Variants in MGAT5 observed in about 807,000 individuals in gnomAD.
MGAT5 encodes alpha-1,6-mannosylglycoprotein 6-beta-N-acetylglucosaminyltransferase.
Under a neutral mutation model 94.3 loss-of-function variants are expected in MGAT5, and 30 were observed. The ratio of observed to expected loss-of-function variants is 0.32; its 90% CI spans 0.24 to 0.43. The LOEUF (loss-of-function observed/expected upper bound fraction) is 0.43. Ranked by LOEUF, MGAT5 falls within the 20% of genes least tolerant of loss-of-function variation. MGAT5 has a pLI of 1.00. For missense variants in MGAT5, 691 were observed against 905.5 expected (o/e 0.76, Z 3.04); for synonymous variants, 310 against 322.9 (o/e 0.96, Z 0.43).
chr2:134,279,444 G>A (rs886363942), intron 2 of MGAT5, among the ~76,000 whole-genome samples: 4 of 152,160 alleles, frequency 2.6e-5, no homozygotes, highest in African/African-American at 9.6e-5. Context: ...AGGTTGCTTT[G>A]AATGAATAGT....
chr2:134,124,742 C>G (rs1685764467), intron 1 of MGAT5, among the ~76,000 whole-genome samples: 1 of 152,204 alleles, frequency 6.6e-6, no homozygotes, highest in Non-Finnish European at 1.5e-5. Context: ...TAAGAGTTAA[C>G]TACTGGTGCT....
intron 2 of MGAT5, among the ~76,000 whole-genome samples, chr2:134,296,052 T>C (rs1210063218): frequency 6.6e-6 from 1 of 152,128 alleles, no homozygotes; most frequent in Non-Finnish European, 1.5e-5. Context: ...CTTATTTGAA[T>C]TTTGACTCTT....
intron 1 of MGAT5, among the ~76,000 whole-genome samples, chr2:134,241,766 G>A (rs535493840): frequency 3.5e-4 from 53 of 152,236 alleles, no homozygotes; most frequent in Non-Finnish European, 5.7e-4. Context: ...GTGTGAGTGT[G>A]TATGAGTGAG....
rs1339001374 is a variant in MGAT5 at position 134,260,436 on chromosome 2, G to A, written c.241+5792G>A. Among the ~76,000 whole-genome samples the A allele has an allele frequency of 4.6e-5, 7 of 152,240 alleles. No individual in the cohort carries two copies. The East Asian group carries it at 1.2e-3, about 25-fold the overall frequency. ...TGTCTAAGATGTTAATACCATTTAG[G>A]GCTGCCGAAGATTGCTCTGAAAGGT... is the stretch of plus-strand genomic sequence containing the variant. On this transcript the variant is annotated intron_variant, in intron 1 of 15. Transcript: ENST00000281923.
intron 1 of MGAT5, among the ~76,000 whole-genome samples, chr2:134,179,325 A>C (rs967643505): frequency 1.3e-5 from 2 of 152,182 alleles, no homozygotes; most frequent in Non-Finnish European, 2.9e-5. Flanking sequence ...AGCTTCATGC[A>C]GGCGTAAGTT....
At chr2:134,200,147 C>A (rs1456484016) in intron 1 of MGAT5, among the ~76,000 whole-genome samples, 1 of 137,834 alleles carries the variant, frequency 7.3e-6, no homozygotes, top group Non-Finnish European at 1.6e-5. Context: ...CCCCGCCCCC[C>A]AATCCCCCCA....
intron 1 of MGAT5, among the ~76,000 whole-genome samples, chr2:134,167,875 A>G (rs1020014499): frequency 5.3e-5 from 8 of 152,092 alleles, no homozygotes; most frequent in South Asian, 2.1e-4. Context: ...AAGTTTGGCT[A>G]TTTTTTTCTC....
At chr2:134,416,214 A>G (rs1336267055) in intron 12 of MGAT5, among the ~76,000 whole-genome samples, 1 of 152,186 alleles carries the variant, frequency 6.6e-6, no homozygotes, top group Non-Finnish European at 1.5e-5. Flanking sequence ...TTGTGCAACC[A>G]TCACTGCTAT....
intron 1 of MGAT5, among the ~76,000 whole-genome samples, chr2:134,260,174 T>C (rs1683229994): frequency 1.3e-5 from 2 of 152,226 alleles, no homozygotes; most frequent in East Asian, 3.8e-4. Context: ...CGGCAGCTTA[T>C]GCAGAGCCCT....
intron 5 of MGAT5, among the ~76,000 whole-genome samples, chr2:134,336,866 G>A (rs942209649): frequency 1.3e-5 from 2 of 152,134 alleles, no homozygotes; most frequent in Non-Finnish European, 2.9e-5. Flanking sequence ...AAGGTAGGAA[G>A]GGGACTGTGA....
intron 2 of MGAT5, among the ~76,000 whole-genome samples, chr2:134,309,969 A>G (rs1462205983): frequency 1.3e-5 from 2 of 152,206 alleles, no homozygotes; most frequent in Non-Finnish European, 2.9e-5. Flanking sequence ...AAATTTTATG[A>G]CATTATCTTG....
intron 1 of MGAT5, among the ~76,000 whole-genome samples, chr2:134,159,487 G>A (rs947494563): frequency 1.3e-5 from 2 of 152,164 alleles, no homozygotes; most frequent in African/African-American, 4.8e-5. Context: ...GCAAACATCT[G>A]TCGAGGAGTT....
intron 10 of MGAT5, among the ~76,000 whole-genome samples, chr2:134,381,348 T>TAGATAGATAAGATA (rs1264921122): frequency 2.5e-5 from 2 of 79,682 alleles, no homozygotes; most frequent in Non-Finnish European, 5.1e-5. Context: ...GATAGATAGA[T>TAGATAGATAAGATA]AGATAGATAG....
intron 1 of MGAT5, among the ~76,000 whole-genome samples, chr2:134,247,764 T>C (rs1282396315): frequency 6.6e-6 from 1 of 152,202 alleles, no homozygotes; most frequent in African/African-American, 2.4e-5. Flanking sequence ...ATGTGGAAAC[T>C]GAGATGGACA....
chr2:134,266,548 T>C (rs2105605767), intron 1 of MGAT5, among the ~76,000 whole-genome samples: 1 of 152,348 alleles, frequency 6.6e-6, no homozygotes, highest in African/African-American at 2.4e-5. Flanking sequence ...GTGATAAAAC[T>C]GTTAACAGTT....
intron 1 of MGAT5, among the ~76,000 whole-genome samples, chr2:134,184,170 A>G (rs1041307829): frequency 6.6e-6 from 1 of 152,200 alleles, no homozygotes. Context: ...TGGAGAAATA[A>G]TGGTTGCAAA....
At chr2:134,391,547 G>T (rs77296974) in intron 10 of MGAT5, among the ~76,000 whole-genome samples, 4,794 of 152,248 alleles carry the variant, frequency 0.031, 257 homozygotes, top group African/African-American at 0.1. Flanking sequence ...TCCTTACCTG[G>T]TGGAAAGAGT....
chr2:134,259,339 G>A (rs1051714919), intron 1 of MGAT5, among the ~76,000 whole-genome samples: 1 of 152,188 alleles, frequency 6.6e-6, no homozygotes, highest in South Asian at 2.1e-4. Flanking sequence ...TGCTATTCTT[G>A]TTTCTGAGGT....
intron 11 of MGAT5, among the ~76,000 whole-genome samples, chr2:134,411,519 A>G (rs1683658778): frequency 6.6e-6 from 1 of 152,354 alleles, no homozygotes; most frequent in Non-Finnish European, 1.5e-5. Flanking sequence ...ATTCTGTTCA[A>G]AACAAAAGTA....
Sources: allele counts gnomAD v4.1 joint callset (sites outside exome capture counted in the v4.1 genomes callset), GRCh38; gene constraint gnomAD v4.1.1; transcripts MANE v1.5; gene names NCBI Gene and HGNC (gene_info 2026-07-23, HGNC 2026-07-21).